ZNF548: variants seen among roughly 807,000 people sequenced by gnomAD.
ZNF548 encodes zinc finger protein 548.
In ZNF548, 10 loss-of-function variants were observed where a neutral mutation model predicts 10.2. That is an observed-to-expected ratio of 0.98 (90% CI 0.60 to 1.66). The LOEUF (loss-of-function observed/expected upper bound fraction) is 1.66, where lower values mean the gene tolerates loss of function less well. Ranked by LOEUF, ZNF548 falls within the 40% of genes most tolerant of loss-of-function variation. ZNF548 has a pLI of 0.00. For synonymous variants in ZNF548, 217 were observed against 223.5 expected, an observed-to-expected ratio of 0.97 and a Z score of 0.26; for missense variants, 599 against 657.0, an observed-to-expected ratio of 0.91 and a Z score of 0.97.
Position 57,398,908 on chromosome 19 carries a change from C to G in ZNF548, c.657C>G (p.Thr219=), listed in dbSNP as rs2088688919. ...GTAGTGAATGTGGGAAAACCTTCAC[C>G]TGCAGCTATTCATTTGTTGAGCACC... ...YKCSECGKTF[T]CSYSFVEHQK... is the part of the protein sequence containing the mutation. The change falls in exon 4 of 4, where the codon ACC becomes ACG. Residue 219 remains threonine (T), a synonymous_variant. Coordinates refer to ENST00000336128, the MANE Select transcript of ZNF548 (RefSeq NM_001172773.2). The G allele has an allele frequency of 6.2e-7, 1 of 1,613,912 alleles. No individual in the cohort carries two copies. The highest frequency in any genetic ancestry group is 1.3e-5 in the African/African-American group (1 of 74,918).
rs1348859485 is a variant in ZNF548 at position 57,401,270 on chromosome 19, G to C, written c.*1381G>C. Reference sequence around the variant, plus strand: ...GGATCGAAGCAACCATGGATCAAAAGTATTTGGAGCATCCATGGATTGCAG... The same window carrying C: ...GGATCGAAGCAACCATGGATCAAAACTATTTGGAGCATCCATGGATTGCAG... On this transcript the variant is annotated 3_prime_UTR_variant, in exon 4 of 4. Transcript: ENST00000336128. 1 of 152,140 alleles carries C rather than the reference G, an allele frequency of 6.6e-6. No individual in the cohort carries two copies. Among genetic ancestry groups the C allele is most frequent in the African/African-American group, 2.4e-5 (1 of 41,420 alleles). 9.4% of individuals were successfully genotyped at this position (152,140 alleles called of 1,614,324 possible). A position where few individuals can be genotyped will look rare whatever the true frequency, so the allele number is the denominator to read the frequency against.
chr19:57,390,056 T>C lies in ZNF548; in HGVS notation c.-44T>C, dbSNP rs2123034835. ...GGCGTCCTTGTCTTGCCTTTGTCGC[T>C]CCCGCCCCGCTCTTCCCTGGCTGGG... On this transcript the variant is annotated 5_prime_UTR_variant, in exon 1 of 4. Coordinates refer to ENST00000336128, the MANE Select transcript of ZNF548 (RefSeq NM_001172773.2). 6.2e-7 allele frequency: 1 copy of C among 1,605,462 alleles called. No individual in the cohort carries two copies.
rs891025667 is a variant in ZNF548 at position 57,398,793 on chromosome 19, T to C, written c.542T>C (p.Leu181Pro). ...GACTTACCAGCCACCTCATGCCTTCTCCAGCACCAGGGCCCTCAAAGCGAG... is the reference window on the plus strand; with the variant it reads ...GACTTACCAGCCACCTCATGCCTTCCCCAGCACCAGGGCCCTCAAAGCGAG... ...WKDLPATSCL[L>P]QHQGPQSEWK... is the part of the protein sequence containing the mutation. Residue 181 changes from leucine to proline, a missense_variant, in exon 4 of 4, where the codon CTC becomes CCC. By Grantham distance (98) the Leu-to-Pro change is moderately conservative (BLOSUM62 -3). Transcript: ENST00000336128. 1.2e-6 allele frequency: 2 copies of C among 1,613,948 alleles called. No homozygotes were observed.
Position 57,402,671 on chromosome 19 carries a change from G to GA in ZNF548, c.*2783dup, listed in dbSNP as rs1442618294. The GA allele has an allele frequency of 2.0e-5, 3 of 152,330 alleles. No individual in the cohort carries two copies. The East Asian group carries it at 5.8e-4, about 29-fold the overall frequency. 9.4% of individuals were successfully genotyped at this position (152,330 alleles called of 1,614,324 possible). ...ATTTCGTGCCAGCATGTTCACCCTA[G>GA]AGAAAAGTAGAAGTGAAGGCAATGT... On this transcript the variant is annotated 3_prime_UTR_variant, in exon 4 of 4. Coordinates refer to ENST00000336128, the MANE Select transcript of ZNF548 (RefSeq NM_001172773.2).
At chr19:57,394,828 T>C (rs1192991088) in intron 2 of ZNF548, among the ~76,000 whole-genome samples, 1 of 152,116 alleles carries the variant, frequency 6.6e-6, no homozygotes, top group South Asian at 2.1e-4. Flanking sequence ...CATTTTATGA[T>C]ACAGAGAGTG....
At chr19:57,392,908 G>A (rs1399536599) in intron 1 of ZNF548, 44 of 985,394 alleles carry the variant, frequency 4.5e-5, no homozygotes, top group Non-Finnish European at 5.3e-5. Flanking sequence ...GGCATAACAG[G>A]GATTCTGGAT....
intron 1 of ZNF548, 145 bp downstream of exon 1, chr19:57,390,259 C>T: frequency 3.4e-6 from 3 of 873,092 alleles, no homozygotes; most frequent in South Asian, 4.1e-5. Flanking sequence ...TTGATGCAGC[C>T]TCAGAGCTCC....
rs1261875460 is a variant in ZNF548, at chr19:57,389,898, T to C, written c.-202T>C. 3.5e-6 allele frequency: 2 copies of C among 569,210 alleles called. No individual in the cohort carries two copies. The highest frequency in any genetic ancestry group is 3.0e-6 in the Non-Finnish European group (1 of 332,010). 35.3% of individuals were successfully genotyped at this position (569,210 alleles called of 1,614,324 possible). A position where few individuals can be genotyped will look rare whatever the true frequency, so the allele number is the denominator to read the frequency against. ...TGGTGGTGGTCGTTTTGGTTCTGTG[T>C]GGTGTTTCACCAACTTCGGCCTATG... On this transcript the variant is annotated 5_prime_UTR_variant, in exon 1 of 4. Transcript: ENST00000336128.
At chr19:57,392,886 C>G in intron 1 of ZNF548, 1 of 985,508 alleles carries the variant, frequency 1.0e-6, no homozygotes, top group East Asian at 1.1e-4. Flanking sequence ...CTGTCCAGAA[C>G]GGTGCAGACC....
intron 1 of ZNF548, 134 bp downstream of exon 1, chr19:57,390,248 T>G: frequency 1.0e-6 from 1 of 1,002,270 alleles, no homozygotes; most frequent in Non-Finnish European, 1.4e-6. Flanking sequence ...TATCAGCCGA[T>G]TTGATGCAGC....
chr19:57,396,660 A>G lies in ZNF548; in HGVS notation c.52-388A>G, dbSNP rs148102867. On this transcript the variant is annotated intron_variant, in intron 2 of 3. Transcript: ENST00000336128. The stretch of plus-strand genomic sequence containing the variant: ...TACATACCACATAACACAGGGCCAC[A>G]TGGTGAGGCACCAGATTTGGTCAGG... Among the ~76,000 whole-genome samples, 584 of 152,364 alleles carry G rather than the reference A, an allele frequency of 3.8e-3. 4 individuals are homozygous for G. The highest frequency in any genetic ancestry group is 6.1e-3 in the Admixed American group (93 of 15,308).
At chr19:57,390,199 T>TC in intron 1 of ZNF548, 85 bp downstream of exon 1, 1 of 1,497,236 alleles carries the variant, frequency 6.7e-7, no homozygotes, top group Non-Finnish European at 9.0e-7. Flanking sequence ...GTCAGGCCCC[T>TC]TGTCCCGAAG....
At position 57,393,937 on chromosome 19, in the gene ZNF548, G is replaced by A. The variant is rs2088646767; in HGVS notation, c.16-251G>A. ...GATATATATAGTACATGCTACTGAT[G>A]TTTGATACTAATATGAGCCCTGTGA... is the stretch of plus-strand genomic sequence containing the variant. On this transcript the variant is annotated intron_variant, in intron 1 of 3. Coordinates refer to ENST00000336128, the MANE Select transcript of ZNF548 (RefSeq NM_001172773.2). The A allele has an allele frequency of 4.1e-5, 24 of 587,094 alleles. 1 individual carries two copies. In the South Asian group the frequency reaches 5.1e-4, roughly 12 times the overall value. The allele number at this position is 587,094 out of a possible 1,614,324, so 36.4% of individuals were successfully genotyped here.
At chr19:57,390,748 G>A (rs1452659884) in intron 1 of ZNF548, 3 of 152,284 alleles carry the variant, frequency 2.0e-5, no homozygotes, top group African/African-American at 4.8e-5. Flanking sequence ...TCAGCATAAA[G>A]AGCAGATTTC....
At chr19:57,396,559 G>C (rs1600086699) in intron 2 of ZNF548, among the ~76,000 whole-genome samples, 1 of 152,318 alleles carries the variant, frequency 6.6e-6, no homozygotes, top group South Asian at 2.1e-4. Context: ...TTAATTTATG[G>C]ATGTGAGTGA....
At chr19:57,398,314 A>C in intron 3 of ZNF548, 116 bp from the exon 4 acceptor site, 3 of 1,532,344 alleles carry the variant, frequency 2.0e-6, no homozygotes, top group Non-Finnish European at 2.6e-6. Context: ...CTTAATGTCC[A>C]TGATGTCCCC....
At chr19:57,394,596 G>C (rs896603855) in intron 2 of ZNF548, among the ~76,000 whole-genome samples, 1 of 152,194 alleles carries the variant, frequency 6.6e-6, no homozygotes, top group African/African-American at 2.4e-5. Context: ...TCCTGGGTCT[G>C]TAATCTAAGG....
Position 57,401,023 on chromosome 19 carries a change from T to C in ZNF548, c.*1134T>C, listed in dbSNP as rs2088712261. The C allele has an allele frequency of 6.6e-6, 1 of 152,216 alleles. No homozygotes were observed. The highest frequency in any genetic ancestry group is 2.4e-5 in the African/African-American group (1 of 41,454). 9.4% of individuals were successfully genotyped at this position (152,216 alleles called of 1,614,324 possible). On this transcript the variant is annotated 3_prime_UTR_variant, in exon 4 of 4. Transcript: ENST00000336128. Reference sequence around the variant, plus strand: ...AGGCATTTGTGTATCTGGAAAAATATTCAAGTCTTTTTTTTCCATTTTTAA... The same window carrying C: ...AGGCATTTGTGTATCTGGAAAAATACTCAAGTCTTTTTTTTCCATTTTTAA...
At chr19:57,390,158 A>C (rs763692179) in intron 1 of ZNF548, 44 bp downstream of exon 1, 3 of 1,601,520 alleles carry the variant, frequency 1.9e-6, no homozygotes, top group East Asian at 2.2e-5. Flanking sequence ...CGGTCCTCCC[A>C]GTGCTGAAGC....
Sources: allele counts gnomAD v4.1 joint callset (sites outside exome capture counted in the v4.1 genomes callset), GRCh38; gene constraint gnomAD v4.1.1; transcripts MANE v1.5; gene names NCBI Gene and HGNC (gene_info 2026-07-23, HGNC 2026-07-21).